The following CPQ variants were observed in gnomAD, a reference collection of about 807,000 sequenced individuals.
CPQ encodes the protein carboxypeptidase Q, also known as Ser-Met dipeptidase.
CPQ carries 37 observed loss-of-function variants against 45.7 expected under a neutral mutation model. The ratio of observed to expected loss-of-function variants is 0.81; its 90% CI spans 0.62 to 1.07. The LOEUF (loss-of-function observed/expected upper bound fraction) is 1.07. Ranked by LOEUF, CPQ falls within the 50% of genes least tolerant of loss-of-function variation. The pLI is 0.00. For missense variants in CPQ, 537 were observed against 572.9 expected, an observed-to-expected ratio of 0.94 and a Z score of 0.64; for synonymous variants, 186 against 205.8, an observed-to-expected ratio of 0.90 and a Z score of 0.82.
chr8:96,865,878 T>C (rs1397078806), intron 3 of CPQ, among the ~76,000 whole-genome samples: 2 of 152,042 alleles, frequency 1.3e-5, no homozygotes. Context: ...TGTACTAGAG[T>C]GTATACTAAA....
chr8:96,943,785 G>T (rs555606264), intron 4 of CPQ, among the ~76,000 whole-genome samples: 1 of 152,116 alleles, frequency 6.6e-6, no homozygotes, highest in African/African-American at 2.4e-5. Flanking sequence ...ATGTGTCTAG[G>T]TACAGTAGTT....
chr8:96,914,999 TAAGTTATCATAA>T (rs1812713141), intron 4 of CPQ, among the ~76,000 whole-genome samples: 1 of 152,166 alleles, frequency 6.6e-6, no homozygotes, highest in Admixed American at 6.6e-5. Flanking sequence ...GGAAATCTTC[TAAGTTATCATAA>T]AAGATGGATT....
chr8:96,878,564 A>G (rs1399223808), intron 3 of CPQ, among the ~76,000 whole-genome samples: 4 of 152,206 alleles, frequency 2.6e-5, no homozygotes, highest in Non-Finnish European at 5.9e-5. Flanking sequence ...TTTGAACCCA[A>G]GCAGTCTTGT....
At chr8:96,875,807 A>G (rs916800790) in intron 3 of CPQ, among the ~76,000 whole-genome samples, 1 of 151,926 alleles carries the variant, frequency 6.6e-6, no homozygotes, top group Non-Finnish European at 1.5e-5. Flanking sequence ...GAATTTTATA[A>G]TCAGCTTGTC....
At chr8:96,872,422 A>C (rs1486092097) in intron 3 of CPQ, among the ~76,000 whole-genome samples, 1 of 151,782 alleles carries the variant, frequency 6.6e-6, no homozygotes, top group Non-Finnish European at 1.5e-5. Flanking sequence ...TGTATGTGTA[A>C]TTTTCCCATA....
intron 6 of CPQ, among the ~76,000 whole-genome samples, chr8:97,061,298 T>C (rs1002092486): frequency 1.3e-5 from 2 of 152,212 alleles, no homozygotes; most frequent in Admixed American, 1.3e-4. Flanking sequence ...CTTAAACAAA[T>C]TACTTTTTTA....
At chr8:96,805,804 T>G (rs1312992883) in intron 2 of CPQ, among the ~76,000 whole-genome samples, 1 of 151,996 alleles carries the variant, frequency 6.6e-6, no homozygotes. Flanking sequence ...TTGGTCACAC[T>G]AGATGACCTC....
chr8:96,796,235 A>T (rs1480643635), intron 2 of CPQ, among the ~76,000 whole-genome samples: 1 of 152,118 alleles, frequency 6.6e-6, no homozygotes, highest in Non-Finnish European at 1.5e-5. Flanking sequence ...TTTACTTTGC[A>T]TACCTTTGCT....
At chr8:97,032,110 C>G (rs565484245) in intron 6 of CPQ, among the ~76,000 whole-genome samples, 1 of 152,172 alleles carries the variant, frequency 6.6e-6, no homozygotes. Context: ...CCAACAATAT[C>G]CAGTTCACTC....
At chr8:96,772,781 G>A (rs2130799422) in intron 1 of CPQ, among the ~76,000 whole-genome samples, 1 of 152,308 alleles carries the variant, frequency 6.6e-6, no homozygotes, top group East Asian at 1.9e-4. Context: ...ACCTGTGTGA[G>A]TTCAATTTCA....
chr8:96,897,480 T>G (rs560993371), intron 4 of CPQ, among the ~76,000 whole-genome samples: 1 of 152,144 alleles, frequency 6.6e-6, no homozygotes, highest in Non-Finnish European at 1.5e-5. Context: ...GCTCCAAAAT[T>G]TGAAACTTTT....
At chr8:97,037,142 G>A (rs1053274246) in intron 6 of CPQ, among the ~76,000 whole-genome samples, 1 of 152,242 alleles carries the variant, frequency 6.6e-6, no homozygotes, top group Non-Finnish European at 1.5e-5. Context: ...TCTTTTAGCA[G>A]TGAAGTTCTT....
In CPQ at chr8:96,830,913, G is replaced by T. The variant is rs557228192; in HGVS notation, c.434-4060G>T. 5.1e-4 allele frequency among the ~76,000 whole-genome samples: 77 copies of T among 152,270 alleles called. 1 individual carries two copies. The highest frequency in any genetic ancestry group is 8.5e-4 in the Non-Finnish European group (58 of 68,022). ...ATTTGTGAAATAATATAACAATGCAGTTAATGGGAAGAGCATGACCCCTGG... is the reference window on the plus strand; with the variant it reads ...ATTTGTGAAATAATATAACAATGCATTTAATGGGAAGAGCATGACCCCTGG... On this transcript the variant is annotated intron_variant, in intron 2 of 7. Transcript: ENST00000220763.
intron 2 of CPQ, among the ~76,000 whole-genome samples, chr8:96,829,639 A>AT (rs1478691601): frequency 1.3e-5 from 2 of 151,868 alleles, no homozygotes; most frequent in Non-Finnish European, 2.9e-5. Flanking sequence ...TCCTTCCCTC[A>AT]TTTTCAGGCT....
intron 1 of CPQ, among the ~76,000 whole-genome samples, chr8:96,681,528 C>T (rs566155387): frequency 1.1e-4 from 17 of 152,330 alleles, no homozygotes; most frequent in African/African-American, 3.8e-4. Flanking sequence ...CCTGGCTGCA[C>T]AGGCAGAAGT....
intron 7 of CPQ, among the ~76,000 whole-genome samples, chr8:97,084,828 GTGTGTGTGTC>G (rs1281385583): frequency 1.3e-5 from 2 of 151,662 alleles, no homozygotes; most frequent in Non-Finnish European, 2.9e-5. Context: ...GTGTGTGTGT[GTGTGTGTGTC>G]TCTCTGTGTG....
At chr8:96,970,805 C>T (rs1351051532) in intron 5 of CPQ, among the ~76,000 whole-genome samples, 4 of 152,066 alleles carry the variant, frequency 2.6e-5, no homozygotes, top group Non-Finnish European at 5.9e-5. Context: ...CCTCGTGATC[C>T]GCCCGCCTCG....
At chr8:96,755,729 C>T (rs748532804) in intron 1 of CPQ, among the ~76,000 whole-genome samples, 24 of 151,810 alleles carry the variant, frequency 1.6e-4, no homozygotes, top group Non-Finnish European at 3.1e-4. Flanking sequence ...TTATTTCCTT[C>T]TCAAATCGAA....
intron 1 of CPQ, among the ~76,000 whole-genome samples, chr8:96,740,463 CT>C (rs1810071176): frequency 6.6e-6 from 1 of 151,722 alleles, no homozygotes; most frequent in South Asian, 2.1e-4. Flanking sequence ...TTTCCTTCTC[CT>C]GCCTAATTGC....
Sources: allele counts gnomAD v4.1 joint callset (sites outside exome capture counted in the v4.1 genomes callset), GRCh38; gene constraint gnomAD v4.1.1; transcripts MANE v1.5; gene names NCBI Gene and HGNC (gene_info 2026-07-23, HGNC 2026-07-21).